TASP1: variants seen among roughly 807,000 people sequenced by gnomAD.
TASP1 encodes the protein taspase 1, also known as threonine aspartase 1.
In TASP1, 16 loss-of-function variants were observed where a neutral mutation model predicts 56.6. The observed-to-expected ratio is 0.28, with a 90% CI of 0.19 to 0.43. TASP1 has a LOEUF of 0.43. Among genes scored for constraint, TASP1 ranks in the 20% least tolerant of loss-of-function variants. The pLI is 1.00. For missense variants in TASP1, 393 were observed against 511.6 expected (o/e 0.77, Z 2.24); for synonymous variants, 179 against 184.2 (o/e 0.97, Z 0.23).
intron 11 of TASP1, among the ~76,000 whole-genome samples, chr20:13,476,131 TAAAC>T (rs901847659): frequency 1.3e-5 from 2 of 152,028 alleles, no homozygotes; most frequent in East Asian, 1.9e-4. Context: ...AATAAATAAA[TAAAC>T]AAACAAACAA....
chr20:13,393,722 G>A (rs751057808), intron 13 of TASP1: 503 of 880,056 alleles, frequency 5.7e-4, no homozygotes, highest in Non-Finnish European at 8.4e-4. Context: ...GAAGAGAGAG[G>A]CCCTCAGCTG....
intron 11 of TASP1, among the ~76,000 whole-genome samples, chr20:13,467,014 C>T (rs894871619): frequency 8.5e-5 from 13 of 152,092 alleles, no homozygotes; most frequent in African/African-American, 3.1e-4. Context: ...AACATTGATA[C>T]TACTTTTTCA....
At chr20:13,270,708 A>G in the TASP1 span, 1 of 1,613,938 alleles carries the variant, frequency 6.2e-7, no homozygotes, top group South Asian at 1.1e-5. Flanking sequence ...AGATCTTTCC[A>G]AAGCTGATAT....
At chr20:13,439,057 G>A (rs975540201) in intron 11 of TASP1, among the ~76,000 whole-genome samples, 4 of 152,182 alleles carry the variant, frequency 2.6e-5, no homozygotes, top group Admixed American at 1.3e-4. Flanking sequence ...CACTGTTGGT[G>A]GGACTGTAAA....
intron 11 of TASP1, among the ~76,000 whole-genome samples, chr20:13,477,083 G>A (rs951277285): frequency 3.9e-5 from 6 of 152,050 alleles, no homozygotes; most frequent in African/African-American, 1.4e-4. Context: ...GAGGCTAAAT[G>A]TGTAATTACA....
At chr20:13,153,215 C>T in the TASP1 span, among the ~76,000 whole-genome samples, 16 of 152,334 alleles carry the variant, frequency 1.1e-4, no homozygotes, top group African/African-American at 2.9e-4. Context: ...AGACAGGCAT[C>T]TTCAGGATGG....
At chr20:13,113,135 A>T in the TASP1 span, among the ~76,000 whole-genome samples, 1 of 152,168 alleles carries the variant, frequency 6.6e-6, no homozygotes, top group Non-Finnish European at 1.5e-5. Context: ...GTGAGCCAAG[A>T]TCATGCCACT....
the TASP1 span, among the ~76,000 whole-genome samples, chr20:13,290,974 C>T: frequency 3.3e-5 from 5 of 152,188 alleles, no homozygotes; most frequent in Non-Finnish European, 5.9e-5. Context: ...ACTCTTTGGT[C>T]TTTACCAAGA....
Position 13,413,947 on chromosome 20 carries a change from GA to G in TASP1, c.1170+3500del, listed in dbSNP as rs1221533190. Reference sequence around the variant, plus strand: ...AGATGCATTAGTGTGTATTTCATAAGAATAAAAATATTATACACCACAGTAC... The same window carrying G: ...AGATGCATTAGTGTGTATTTCATAAGATAAAAATATTATACACCACAGTAC... On this transcript the variant is annotated intron_variant, in intron 13 of 13. Coordinates refer to ENST00000337743, the MANE Select transcript of TASP1 (RefSeq NM_017714.3). Among the ~76,000 whole-genome samples, 5 of 152,036 alleles carry G rather than the reference GA, an allele frequency of 3.3e-5. No homozygotes were observed. In the East Asian group the frequency reaches 9.7e-4, roughly 29 times the overall value.
At chr20:13,435,691 G>A (rs926947127) in intron 11 of TASP1, among the ~76,000 whole-genome samples, 2 of 152,074 alleles carry the variant, frequency 1.3e-5, no homozygotes, top group Non-Finnish European at 2.9e-5. Flanking sequence ...GAAAGAGTTG[G>A]GCTTCCTTGA....
chr20:13,315,465 A>T, the TASP1 span, among the ~76,000 whole-genome samples: 2 of 152,048 alleles, frequency 1.3e-5, no homozygotes, highest in Non-Finnish European at 2.9e-5. Context: ...TGATAAAAGG[A>T]TCAAGTCTCC....
chr20:13,574,578 T>C (rs1318666299), intron 6 of TASP1, among the ~76,000 whole-genome samples: 2 of 152,212 alleles, frequency 1.3e-5, no homozygotes, highest in South Asian at 2.1e-4. Context: ...ACACTATTCA[T>C]ATGTTCAGGA....
At chr20:13,166,103 A>G in the TASP1 span, 1 of 152,652 alleles carries the variant, frequency 6.6e-6, no homozygotes, top group Non-Finnish European at 1.5e-5. Context: ...CAGATTTGGA[A>G]ATTCTAGAGA....
chr20:13,413,170 G>A (rs927435100), intron 13 of TASP1, among the ~76,000 whole-genome samples: 5 of 152,054 alleles, frequency 3.3e-5, no homozygotes, highest in African/African-American at 9.7e-5. Context: ...ATGAGGTTTC[G>A]AAGACTTCAT....
At chr20:13,638,655 G>A (rs897966726) in intron 1 of TASP1, among the ~76,000 whole-genome samples, 2 of 152,192 alleles carry the variant, frequency 1.3e-5, no homozygotes, top group Non-Finnish European at 2.9e-5. Flanking sequence ...CCACGAGGAC[G>A]CCAAGCCGGA....
At chr20:13,432,121 T>C (rs2042830997) in intron 12 of TASP1, among the ~76,000 whole-genome samples, 1 of 152,232 alleles carries the variant, frequency 6.6e-6, no homozygotes, top group African/African-American at 2.4e-5. Flanking sequence ...TGGTGAGGAA[T>C]GTTTGATAGA....
the TASP1 span, among the ~76,000 whole-genome samples, chr20:13,188,683 C>A: frequency 5.9e-5 from 9 of 152,232 alleles, no homozygotes; most frequent in South Asian, 1.5e-3. Context: ...ATAGAAAGAA[C>A]AATCCTAATA....
At chr20:13,331,993 G>A in the TASP1 span, among the ~76,000 whole-genome samples, 6 of 152,130 alleles carry the variant, frequency 3.9e-5, no homozygotes, top group Admixed American at 1.3e-4. Flanking sequence ...TTTAATGTTC[G>A]GTCTCATTGA....
the TASP1 span, among the ~76,000 whole-genome samples, chr20:13,348,844 A>G: frequency 6.6e-6 from 1 of 151,974 alleles, no homozygotes; most frequent in Non-Finnish European, 1.5e-5. Flanking sequence ...CCCTCCCTTT[A>G]TTCTTATTCC....
Sources: allele counts gnomAD v4.1 joint callset (sites outside exome capture counted in the v4.1 genomes callset), GRCh38; gene constraint gnomAD v4.1.1; transcripts MANE v1.5; gene names NCBI Gene and HGNC (gene_info 2026-07-23, HGNC 2026-07-21).